Variants in GLDC observed in about 807,000 individuals in gnomAD.
GLDC encodes the protein glycine dehydrogenase (decarboxylating), mitochondrial.
Under a neutral mutation model 121.3 loss-of-function variants are expected in GLDC, and 104 were observed. That is an observed-to-expected ratio of 0.86 (90% CI 0.73 to 1.01). The LOEUF (loss-of-function observed/expected upper bound fraction) is 1.01, where lower values mean the gene tolerates loss of function less well. GLDC is among the 50% of genes least tolerant of loss of function. The pLI is 0.00. For synonymous variants in GLDC, 546 were observed against 480.6 expected, an observed-to-expected ratio of 1.14 and a Z score of -1.78; for missense variants, 1,429 against 1,306.6, an observed-to-expected ratio of 1.09 and a Z score of -1.44.
At chr9:6,622,048 G>A (rs552336475) in intron 2 of GLDC, among the ~76,000 whole-genome samples, 1 of 152,032 alleles carries the variant, frequency 6.6e-6, no homozygotes, top group East Asian at 1.9e-4. Flanking sequence ...CAGCAAACTG[G>A]CAAGGAAGAC....
intron 2 of GLDC, among the ~76,000 whole-genome samples, chr9:6,639,987 A>G (rs763420540): frequency 5.3e-5 from 8 of 152,164 alleles, no homozygotes; most frequent in Non-Finnish European, 1.0e-4. Context: ...CATAGGACCA[A>G]CCAGGCTAAG....
chr9:6,570,727 G>A (rs1817945103), intron 15 of GLDC, among the ~76,000 whole-genome samples: 1 of 151,836 alleles, frequency 6.6e-6, no homozygotes, highest in Non-Finnish European at 1.5e-5. Flanking sequence ...TGTGGCAGGT[G>A]CCTGTAATCC....
chr9:6,589,367 G>T (rs919589445), intron 11 of GLDC, 75 bp from the exon 12 acceptor site: 4 of 847,580 alleles, frequency 4.7e-6, no homozygotes, highest in Middle Eastern at 2.2e-4. Context: ...GCTTCTGGGT[G>T]GCTGGGCCAC....
chr9:6,633,457 G>C (rs780199639), intron 2 of GLDC, among the ~76,000 whole-genome samples: 1 of 152,176 alleles, frequency 6.6e-6, no homozygotes, highest in Non-Finnish European at 1.5e-5. Context: ...CCAAATGCAT[G>C]TTCCACGAAT....
intron 22 of GLDC, 69 bp from the exon 23 acceptor site, chr9:6,536,305 C>A (rs535201181): frequency 7.9e-7 from 1 of 1,261,292 alleles, no homozygotes; most frequent in South Asian, 1.3e-5. Context: ...AAGAAAAGTT[C>A]GTATCCCTTC....
At chr9:6,533,608 C>A (rs1300325353) in intron 24 of GLDC, among the ~76,000 whole-genome samples, 1 of 151,956 alleles carries the variant, frequency 6.6e-6, no homozygotes, top group African/African-American at 2.4e-5. Flanking sequence ...CCTTTAATCC[C>A]AGAACTTTGG....
At chr9:6,639,347 A>G (rs1244646290) in intron 2 of GLDC, 2 of 945,800 alleles carry the variant, frequency 2.1e-6, no homozygotes, top group African/African-American at 1.6e-5. Context: ...CCCAGGAGAA[A>G]CAAGCTTGAC....
intron 8 of GLDC, among the ~76,000 whole-genome samples, chr9:6,597,911 G>A (rs1463787506): frequency 2.9e-5 from 3 of 102,100 alleles, no homozygotes; most frequent in Non-Finnish European, 8.2e-5. Flanking sequence ...TCCAGCCTGG[G>A]CGATGGAGCG....
intron 2 of GLDC, among the ~76,000 whole-genome samples, chr9:6,631,843 G>A (rs1279750203): frequency 1.3e-5 from 2 of 152,216 alleles, no homozygotes; most frequent in African/African-American, 4.8e-5. Context: ...AAGGGAGGAG[G>A]ATGTTTTGAA....
At chr9:6,547,173 A>G (rs933589563) in intron 21 of GLDC, among the ~76,000 whole-genome samples, 9 of 152,170 alleles carry the variant, frequency 5.9e-5, no homozygotes, top group Admixed American at 5.2e-4. Context: ...AACGTGAGGA[A>G]GTTTAAAATA....
At chr9:6,636,771 T>A (rs2438410) in intron 2 of GLDC, among the ~76,000 whole-genome samples, 2 of 151,572 alleles carry the variant, frequency 1.3e-5, no homozygotes, top group Non-Finnish European at 2.9e-5. Context: ...TGAGACCCCA[T>A]CTCAAAAATA....
intron 17 of GLDC, 160 bp downstream of exon 17, chr9:6,558,399 G>A (rs1463411337): frequency 3.7e-6 from 3 of 807,418 alleles, no homozygotes; most frequent in African/African-American, 1.7e-5. Context: ...ATTTCTCCCT[G>A]TTGGTGATGG....
At chr9:6,535,444 C>G (rs1347862470) in intron 23 of GLDC, among the ~76,000 whole-genome samples, 1 of 151,632 alleles carries the variant, frequency 6.6e-6, no homozygotes, top group Non-Finnish European at 1.5e-5. Context: ...TACAGGTAGG[C>G]AGTTTGGAAA....
chr9:6,645,210 G>T, intron 1 of GLDC, 35 bp downstream of exon 1: 1 of 1,551,904 alleles, frequency 6.4e-7, no homozygotes, highest in East Asian at 2.5e-5. Context: ...GCAGGGCGGA[G>T]GGGAGGCCGC....
chr9:6,538,657 G>C (rs1160061322), intron 22 of GLDC, among the ~76,000 whole-genome samples: 1 of 152,196 alleles, frequency 6.6e-6, no homozygotes, highest in African/African-American at 2.4e-5. Context: ...TTGAGGTCAG[G>C]AGACAACATG....
At chr9:6,559,215 A>G (rs1817695572) in intron 16 of GLDC, among the ~76,000 whole-genome samples, 1 of 152,210 alleles carries the variant, frequency 6.6e-6, no homozygotes, top group African/African-American at 2.4e-5. Context: ...TAAACTAAGC[A>G]TTAATAATGA....
At position 6,533,062 on chromosome 9, in the gene GLDC, T is replaced by C. The variant is rs1179382589; in HGVS notation, c.3018A>G (p.Glu1006=). Residue 1006 remains glutamate (E), a synonymous_variant, in exon 25 of 25, where the codon GAA becomes GAG. Coordinates refer to ENST00000321612, the MANE Select transcript of GLDC (RefSeq NM_000170.3). ...QHLVCTCPPM[E]VYESPFSEQK... ...GTTCAGAAAATGGAGACTCATAAACTTCCATGGGTGGGCAGGTACAAACCA... is the reference window on the plus strand; with the variant it reads ...GTTCAGAAAATGGAGACTCATAAACCTCCATGGGTGGGCAGGTACAAACCA... The C allele has an allele frequency of 6.2e-7, 1 of 1,612,140 alleles. No individual in the cohort carries two copies. The highest frequency in any genetic ancestry group is 1.1e-5 in the South Asian group (1 of 91,042).
chr9:6,620,405 G>C (rs1052276077), intron 2 of GLDC, 86 bp from the exon 3 acceptor site: 3 of 1,152,074 alleles, frequency 2.6e-6, no homozygotes, highest in African/African-American at 3.0e-5. Flanking sequence ...TTTTGTTTGA[G>C]TATTTATGAC....
At position 6,605,233 on chromosome 9, in the gene GLDC, GT is replaced by G; in HGVS notation, c.758del (p.Asp253AlafsTer45). ...CTCCACTGACATCTTTTCCACTGAA[GT>G]CCATTTCACAGGGTAACTTCAGCTC... ...LTELKLPCEM[D>X]FSGKDVSGVL... On this transcript the variant is annotated frameshift_variant, in exon 6 of 25. Transcript: ENST00000321612. LOFTEE classifies it high-confidence loss of function. The G allele has an allele frequency of 6.2e-7, 1 of 1,613,776 alleles. No homozygotes were observed. Among genetic ancestry groups the G allele is most frequent in the Non-Finnish European group, 8.5e-7 (1 of 1,179,668 alleles).
Sources: gnomAD v4.1 joint callset for allele counts (sites outside exome capture counted in the v4.1 genomes callset) on GRCh38, gnomAD v4.1.1 for gene constraint, MANE v1.5 for transcripts, NCBI Gene and HGNC (gene_info 2026-07-23, HGNC 2026-07-21) for gene names.